Variants in PDIA5 observed in about 807,000 individuals in gnomAD.
PDIA5 encodes protein disulfide isomerase family A member 5.
Under a neutral mutation model 77.6 loss-of-function variants are expected in PDIA5, and 58 were observed. The observed-to-expected ratio is 0.75, with a 90% CI of 0.61 to 0.93. The LOEUF is 0.93. Among genes scored for constraint, PDIA5 ranks in the 40% least tolerant of loss-of-function variants. The pLI is 0.00. For synonymous variants in PDIA5, 250 were observed against 252.1 expected (o/e 0.99, Z 0.08); for missense variants, 630 against 647.7 (o/e 0.97, Z 0.30).
At chr3:123,132,610 CA>C (rs1233904343) in intron 11 of PDIA5, among the ~76,000 whole-genome samples, 2 of 152,168 alleles carry the variant, frequency 1.3e-5, no homozygotes, top group Admixed American at 6.5e-5. Flanking sequence ...TAAAGGTACT[CA>C]AAAAAGTGCC....
intron 11 of PDIA5, among the ~76,000 whole-genome samples, chr3:123,132,119 G>A (rs970795809): frequency 2.6e-5 from 4 of 152,184 alleles, no homozygotes; most frequent in Admixed American, 6.5e-5. Flanking sequence ...CACAAAGTGA[G>A]TACAATTAGC....
At chr3:123,117,399 T>TATATATATATATATATATA (rs60353329) in intron 8 of PDIA5, among the ~76,000 whole-genome samples, 74 of 135,258 alleles carry the variant, frequency 5.5e-4, no homozygotes, top group East Asian at 1.1e-3. Context: ...TATATATATA[T>TATATATATATATATATATA]TCTGTTTTAG....
chr3:123,119,221 C>G (rs1348387299), intron 8 of PDIA5, among the ~76,000 whole-genome samples: 1 of 152,154 alleles, frequency 6.6e-6, no homozygotes, highest in African/African-American at 2.4e-5. Flanking sequence ...GCACCATGCT[C>G]TGCACAACAG....
At chr3:123,117,642 A>T (rs1036344908) in intron 8 of PDIA5, among the ~76,000 whole-genome samples, 3 of 151,820 alleles carry the variant, frequency 2.0e-5, no homozygotes, top group Non-Finnish European at 4.4e-5. Flanking sequence ...TCCATGTAGC[A>T]TGTCATAGGA....
intron 5 of PDIA5, among the ~76,000 whole-genome samples, chr3:123,103,969 G>A (rs1315400577): frequency 6.6e-6 from 1 of 152,118 alleles, no homozygotes; most frequent in Non-Finnish European, 1.5e-5. Context: ...ATGTTTAACC[G>A]GGACCTCTGA....
intron 8 of PDIA5, among the ~76,000 whole-genome samples, chr3:123,122,289 G>T (rs569878732): frequency 6.6e-6 from 1 of 152,194 alleles, no homozygotes; most frequent in East Asian, 1.9e-4. Context: ...GAAAAAAAAA[G>T]GACTTTTAAA....
At position 123,102,396 on chromosome 3, in the gene PDIA5, A is replaced by C. The variant is rs749416964; in HGVS notation, c.258-15A>C. The C allele has an allele frequency of 2.5e-6, 4 of 1,606,320 alleles. No individual in the cohort carries two copies. In the South Asian group the frequency reaches 4.4e-5, roughly 18 times the overall value. On this transcript the variant is annotated splice_polypyrimidine_tract_variant and intron_variant, in intron 3 of 16. Transcript: ENST00000316218. ...CTTCAGGTAATAAATGGTTCCCAAC[A>C]TTTGTGTCTTCCAGTGATGCAGAGA...
intron 6 of PDIA5, 110 bp from the exon 7 acceptor site, chr3:123,110,834 C>G (rs1031053262): frequency 4.4e-6 from 4 of 915,698 alleles, no homozygotes; most frequent in Admixed American, 1.7e-5. Flanking sequence ...CTCCCCCTCC[C>G]CTCCCCATCC....
intron 2 of PDIA5, among the ~76,000 whole-genome samples, chr3:123,091,139 C>T (rs970815076): frequency 6.6e-6 from 1 of 152,136 alleles, no homozygotes; most frequent in Non-Finnish European, 1.5e-5. Flanking sequence ...ATCAGTGGCT[C>T]GCCCTCCTCC....
intron 11 of PDIA5, among the ~76,000 whole-genome samples, chr3:123,132,879 C>T (rs1216120553): frequency 6.6e-6 from 1 of 152,174 alleles, no homozygotes; most frequent in Admixed American, 6.5e-5. Flanking sequence ...GAGAGGTCAC[C>T]AGTCCCCTGG....
At chr3:123,112,027 C>T (rs530057352) in intron 7 of PDIA5, among the ~76,000 whole-genome samples, 13 of 152,258 alleles carry the variant, frequency 8.5e-5, no homozygotes, top group Non-Finnish European at 1.6e-4. Flanking sequence ...TGGGCGCTTG[C>T]GAGCTATACC....
chr3:123,147,476 A>G (rs2107983866), intron 13 of PDIA5, among the ~76,000 whole-genome samples: 1 of 152,232 alleles, frequency 6.6e-6, no homozygotes, highest in South Asian at 2.1e-4. Flanking sequence ...TGTTTATTTA[A>G]AGCATAGACT....
chr3:123,113,991 TA>T (rs1383500075), intron 7 of PDIA5, among the ~76,000 whole-genome samples: 1 of 152,120 alleles, frequency 6.6e-6, no homozygotes, highest in Non-Finnish European at 1.5e-5. Flanking sequence ...CTATTTTTGG[TA>T]AAGTTAAATT....
Position 123,068,265 on chromosome 3 carries a change from G to A in PDIA5, c.42+1059G>A, listed in dbSNP as rs1933631530. Among the ~76,000 whole-genome samples the A allele has an allele frequency of 2.6e-5, 4 of 152,310 alleles. No homozygotes were observed. In the South Asian group the frequency reaches 8.3e-4, roughly 32 times the overall value. On this transcript the variant is annotated intron_variant, in intron 1 of 16. Coordinates refer to ENST00000316218, the MANE Select transcript of PDIA5 (RefSeq NM_006810.4). ...CATTTGGGTGTGGCAAGGACACTGG[G>A]CAAATGGGAGGAGAAAAGTGTGGGT...
Position 123,161,894 on chromosome 3 carries a change from C to A in PDIA5, c.1494C>A (p.Thr498=). Residue 498 remains threonine (T), a synonymous_variant, in exon 17 of 17, where the codon ACC becomes ACA. Transcript: ENST00000316218. ...CTTCCCTGCAGGAATTGGGATTTACCAATTATATTCGAGCCCTCCGGGAGG... is the reference window on the plus strand; with the variant it reads ...CTTCCCTGCAGGAATTGGGATTTACAAATTATATTCGAGCCCTCCGGGAGG... The part of the protein sequence containing the change: ...YDSDRTELGF[T]NYIRALREGD... 1 of 1,595,488 alleles carries A rather than the reference C, an allele frequency of 6.3e-7. No homozygotes were observed. Among genetic ancestry groups the A allele is most frequent in the Non-Finnish European group, 8.6e-7 (1 of 1,163,564 alleles).
rs1934215016 is a variant in PDIA5 at position 123,089,065 on chromosome 3, C to G, written c.43-103C>G. 3 of 1,155,644 alleles carry G rather than the reference C, an allele frequency of 2.6e-6. No homozygotes were observed. In the East Asian group the frequency reaches 7.1e-5, roughly 27 times the overall value. The allele number at this position is 1,155,644 out of a possible 1,614,324, so 71.6% of individuals were successfully genotyped here. Reference sequence around the variant, plus strand: ...TGAGATGTGTTGGTTTGCCCTCATCCTCTGGAAGTAAAGCAGCTCTAGGCA... The same window carrying G: ...TGAGATGTGTTGGTTTGCCCTCATCGTCTGGAAGTAAAGCAGCTCTAGGCA... On this transcript the variant is annotated intron_variant, in intron 1 of 16. Transcript: ENST00000316218.
chr3:123,072,530 A>G (rs977624214), intron 1 of PDIA5, among the ~76,000 whole-genome samples: 4 of 152,100 alleles, frequency 2.6e-5, no homozygotes, highest in African/African-American at 9.7e-5. Flanking sequence ...TGCAGCTAGG[A>G]TTCTCCCCAC....
chr3:123,116,936 G>A (rs994986074), intron 8 of PDIA5, among the ~76,000 whole-genome samples: 3 of 151,844 alleles, frequency 2.0e-5, no homozygotes, highest in African/African-American at 7.3e-5. Flanking sequence ...AGGAAGAGGA[G>A]CCACTAAGGA....
intron 11 of PDIA5, chr3:123,145,197 A>G (rs1201730421): frequency 4.0e-6 from 1 of 250,742 alleles, no homozygotes; most frequent in African/African-American, 2.3e-5. Flanking sequence ...TGGTGCCTCA[A>G]TTGTCTAATC....
Sources: allele counts gnomAD v4.1 joint callset (sites outside exome capture counted in the v4.1 genomes callset), GRCh38; gene constraint gnomAD v4.1.1; transcripts MANE v1.5; gene names NCBI Gene and HGNC (gene_info 2026-07-23, HGNC 2026-07-21).